ARID1B: variants seen among roughly 807,000 people sequenced by gnomAD.
ARID1B encodes the protein AT-rich interaction domain 1B.
Under a neutral mutation model 212.3 loss-of-function variants are expected in ARID1B, and 30 were observed. The ratio of observed to expected loss-of-function variants is 0.14; its 90% CI spans 0.11 to 0.19. The LOEUF is 0.19. ARID1B is among the 10% of genes least tolerant of loss of function. The pLI is 1.00. For missense variants in ARID1B, 2,891 were observed against 3,204.0 expected, an observed-to-expected ratio of 0.90 and a Z score of 2.36; for synonymous variants, 1,402 against 1,301.7, an observed-to-expected ratio of 1.08 and a Z score of -1.66.
intron 4 of ARID1B, among the ~76,000 whole-genome samples, chr6:157,064,260 G>T (rs930795307): frequency 3.9e-5 from 6 of 152,198 alleles, no homozygotes; most frequent in African/African-American, 1.4e-4. Flanking sequence ...GATAGGTACT[G>T]CCTATTTAGG....
chr6:157,021,891 C>T (rs1338780738), intron 4 of ARID1B, among the ~76,000 whole-genome samples: 1 of 152,206 alleles, frequency 6.6e-6, no homozygotes, highest in Admixed American at 6.5e-5. Context: ...CGCCGCCCCG[C>T]TACCTCGCCG....
chr6:156,810,106 C>G (rs990739870), intron 1 of ARID1B, among the ~76,000 whole-genome samples: 1 of 152,210 alleles, frequency 6.6e-6, no homozygotes, highest in African/African-American at 2.4e-5. Context: ...AAAATCATTT[C>G]TGTTCCTTGT....
intron 4 of ARID1B, among the ~76,000 whole-genome samples, chr6:157,039,845 TC>T (rs1781722781): frequency 1.3e-5 from 1 of 76,502 alleles, no homozygotes; most frequent in African/African-American, 5.7e-5. Flanking sequence ...TCTTTCTCTC[TC>T]TTTCTCTCTC....
At chr6:156,905,147 AG>A (rs1280374481) in intron 3 of ARID1B, among the ~76,000 whole-genome samples, 1 of 151,926 alleles carries the variant, frequency 6.6e-6, no homozygotes, top group East Asian at 1.9e-4. Flanking sequence ...TTTGTATATT[AG>A]GGAGACTGGG....
chr6:157,066,967 G>C (rs922714708), intron 4 of ARID1B, among the ~76,000 whole-genome samples: 1 of 151,924 alleles, frequency 6.6e-6, no homozygotes, highest in Non-Finnish European at 1.5e-5. Flanking sequence ...TGAAGACAGA[G>C]AGCTGGATTG....
At chr6:156,972,518 T>C (rs1776998311) in intron 4 of ARID1B, among the ~76,000 whole-genome samples, 2 of 152,252 alleles carry the variant, frequency 1.3e-5, no homozygotes, top group Non-Finnish European at 2.9e-5. Context: ...GATTTTTCTT[T>C]AGTTACCAGT....
chr6:156,842,956 G>T (rs1783998263), intron 2 of ARID1B, among the ~76,000 whole-genome samples: 1 of 152,244 alleles, frequency 6.6e-6, no homozygotes, highest in Non-Finnish European at 1.5e-5. Flanking sequence ...AGATCCTCCA[G>T]ACCAGCCTTG....
At chr6:157,186,806 T>C (rs1459812434) in intron 13 of ARID1B, among the ~76,000 whole-genome samples, 1 of 152,246 alleles carries the variant, frequency 6.6e-6, no homozygotes, top group African/African-American at 2.4e-5. Context: ...CACCCAATGG[T>C]TGCTCTGAAC....
intron 3 of ARID1B, among the ~76,000 whole-genome samples, chr6:156,914,883 A>G (rs189626982): frequency 6.6e-6 from 1 of 151,010 alleles, no homozygotes; most frequent in East Asian, 1.9e-4. Context: ...TTCTCTATCA[A>G]GCCCACTTTT....
chr6:157,012,716 T>C (rs546670661), intron 4 of ARID1B, among the ~76,000 whole-genome samples: 3 of 152,348 alleles, frequency 2.0e-5, no homozygotes, highest in African/African-American at 7.2e-5. Context: ...GTTTTCCTCA[T>C]CTATGAAATA....
intron 1 of ARID1B, among the ~76,000 whole-genome samples, chr6:156,828,536 G>A (rs1327279942): frequency 1.3e-5 from 2 of 152,128 alleles, no homozygotes; most frequent in East Asian, 1.9e-4. Context: ...GTATGACCTC[G>A]GCCCTGAAGC....
chr6:156,889,425 C>T (rs1787757729), intron 2 of ARID1B, among the ~76,000 whole-genome samples: 1 of 152,156 alleles, frequency 6.6e-6, no homozygotes, highest in Non-Finnish European at 1.5e-5. Flanking sequence ...TATACACTTG[C>T]GTGTTAATTT....
intron 2 of ARID1B, among the ~76,000 whole-genome samples, chr6:156,865,911 A>G (rs1412782650): frequency 6.6e-6 from 1 of 151,732 alleles, no homozygotes; most frequent in African/African-American, 2.4e-5. Context: ...CCTCTTTGAG[A>G]TACTGATTGT....
At position 157,206,694 on chromosome 6, in the gene ARID1B, C is replaced by T; in HGVS notation, c.5922C>T (p.Ser1974=). The part of the protein sequence containing the change: ...PPRRRPPPPL[S]SAGRKKEQEG... ...GCAGGCGCCCACCTCCCCCCTTAAG[C>T]TCCGCAGGTAGAAAGAAAGAGCAAG... Residue 1974 remains serine, a synonymous_variant, in exon 20 of 20, where the codon AGC becomes AGT. Transcript: ENST00000636930. This position sits in a 1 kb window ranked among gnomAD's most constrained non-coding sequence, Gnocchi z 6.8. 1 of 1,612,746 alleles carries T rather than the reference C, an allele frequency of 6.2e-7. No homozygotes were observed. The highest frequency in any genetic ancestry group is 1.1e-5 in the South Asian group (1 of 91,062).
chr6:157,207,766 G>A lies in ARID1B; in HGVS notation c.6994G>A (p.Asp2332Asn). The A allele has an allele frequency of 6.3e-7, 1 of 1,575,514 alleles. No individual in the cohort carries two copies. The highest frequency in any genetic ancestry group is 8.6e-7 in the Non-Finnish European group (1 of 1,156,150). Residue 2332 changes from aspartate to asparagine, a missense_variant, in exon 20 of 20, where the codon GAC becomes AAC. By Grantham distance (23) the Asp-to-Asn change is conservative. This residue lies in a region of ARID1B where 187 missense variants were observed against 306.5 expected (regional missense o/e 0.61). Transcript: ENST00000636930. The surrounding 1 kb of genome is among the most constrained non-coding windows in gnomAD (Gnocchi z 8.5). ...AKALLAMARV[D>N]ENRSEFLLHE... is the part of the protein sequence containing the mutation. The stretch of plus-strand genomic sequence containing the variant: ...GGCTTTGCTAGCCATGGCCAGAGTG[G>A]ACGAAAACCGCTCGGAATTCCTTTT...
At chr6:156,879,214 A>G (rs1786844116) in intron 2 of ARID1B, among the ~76,000 whole-genome samples, 1 of 152,194 alleles carries the variant, frequency 6.6e-6, no homozygotes, top group Admixed American at 6.5e-5. Context: ...TGCGAGGGCT[A>G]ATTTGGCATT....
At chr6:156,785,121 A>G (rs1191919287) in intron 1 of ARID1B, among the ~76,000 whole-genome samples, 2 of 152,240 alleles carry the variant, frequency 1.3e-5, no homozygotes, top group East Asian at 1.9e-4. Context: ...GTATGGATCA[A>G]TGCCAAGAAT....
At chr6:157,009,389 AG>A (rs1288405884) in intron 4 of ARID1B, among the ~76,000 whole-genome samples, 1 of 152,252 alleles carries the variant, frequency 6.6e-6, no homozygotes, top group East Asian at 1.9e-4. Flanking sequence ...GACTAGAGGC[AG>A]GGAGGCCAGT....
At chr6:157,098,192 A>G (rs1291638533) in intron 5 of ARID1B, among the ~76,000 whole-genome samples, 3 of 152,136 alleles carry the variant, frequency 2.0e-5, no homozygotes, top group Non-Finnish European at 2.9e-5. Context: ...CCATCCCTCT[A>G]TTTGGTGTTC....
Sources: allele counts gnomAD v4.1 joint callset (sites outside exome capture counted in the v4.1 genomes callset), GRCh38; gene constraint gnomAD v4.1.1; regional missense constraint gnomAD v4.1.1; non-coding constraint Gnocchi (gnomAD v3.1); transcripts MANE v1.5; gene names NCBI Gene and HGNC (gene_info 2026-07-23, HGNC 2026-07-21).